CRYBG3: variants seen among roughly 807,000 people sequenced by gnomAD.
CRYBG3 encodes crystallin beta-gamma domain containing 3.
CRYBG3 carries 127 observed loss-of-function variants against 244.2 expected under a neutral mutation model. The observed-to-expected ratio is 0.52, with a 90% confidence interval of 0.45 to 0.60. The LOEUF is 0.60. Among genes scored for constraint, CRYBG3 ranks in the 20% least tolerant of loss-of-function variants. The pLI, the probability that CRYBG3 is intolerant of heterozygous loss-of-function variation, is 0.00. For synonymous variants in CRYBG3, 1,132 were observed against 1,195.8 expected, an observed-to-expected ratio of 0.95 and a Z score of 1.10; for missense variants, 3,325 against 3,442.5, an observed-to-expected ratio of 0.97 and a Z score of 0.85.
intron 17 of CRYBG3, among the ~76,000 whole-genome samples, chr3:97,923,762 A>G (rs1013508541): frequency 1.3e-5 from 2 of 152,144 alleles, no homozygotes; most frequent in African/African-American, 4.8e-5. Flanking sequence ...AACACAAGGG[A>G]ATAAGTTTTT....
intron 17 of CRYBG3, among the ~76,000 whole-genome samples, chr3:97,923,741 T>C (rs905494055): frequency 2.0e-5 from 3 of 152,094 alleles, no homozygotes; most frequent in African/African-American, 7.2e-5. Context: ...AGGGTACTTA[T>C]AAATAAATCT....
At chr3:97,904,524 A>C (rs1181318475) in intron 15 of CRYBG3, among the ~76,000 whole-genome samples, 1 of 152,180 alleles carries the variant, frequency 6.6e-6, no homozygotes, top group African/African-American at 2.4e-5. Flanking sequence ...TCAGTAGTCC[A>C]GGATTTGATG....
chr3:97,924,283 G>A (rs2040015695), intron 17 of CRYBG3: 3 of 351,852 alleles, frequency 8.5e-6, no homozygotes, highest in Non-Finnish European at 1.6e-5. Context: ...AGTTCCAGAT[G>A]GATTAATAAC....
chr3:97,872,826 T>C lies in CRYBG3; in HGVS notation c.1632T>C (p.His544=). The C allele has an allele frequency of 6.5e-7, 1 of 1,535,940 alleles. No individual in the cohort carries two copies. The highest frequency in any genetic ancestry group is 8.7e-7 in the Non-Finnish European group (1 of 1,146,796). Reference sequence around the variant, plus strand: ...CTGGTGAATCCATAGCTTCAAGTCATGTAAAAGCTCCAGAAGATAAAATTG... The same window carrying C: ...CTGGTGAATCCATAGCTTCAAGTCACGTAAAAGCTCCAGAAGATAAAATTG... ...ASAGESIASS[H]VKAPEDKIES... The change falls in exon 4 of 22, where the codon CAT becomes CAC. Residue 544 remains histidine, a synonymous_variant. Transcript: ENST00000389622.
rs1240504297 is a variant in CRYBG3, at chr3:97,822,080, C to T, written c.-127C>T. ...CTCCTGCCCGAGAGAGACTGAGCCG[C>T]GCTGGCAGCTCGCGTCGAGTCGGTC... On this transcript the variant is annotated 5_prime_UTR_variant, in exon 1 of 22. Coordinates refer to ENST00000389622, the MANE Select transcript of CRYBG3 (RefSeq NM_153605.4). The T allele has an allele frequency of 6.7e-6, 5 of 743,312 alleles. No homozygotes were observed. The highest frequency in any genetic ancestry group is 3.4e-5 in the East Asian group (1 of 29,358). 46.0% of individuals were successfully genotyped at this position (743,312 alleles called of 1,614,324 possible).
At chr3:97,880,977 T>C (rs2039439490) in intron 6 of CRYBG3, 95 bp from the exon 7 acceptor site, 5 of 952,072 alleles carry the variant, frequency 5.3e-6, no homozygotes. Flanking sequence ...ATATCCCAGC[T>C]TAAAAAATTT....
At chr3:97,908,682 G>A (rs1347523281) in intron 15 of CRYBG3, among the ~76,000 whole-genome samples, 2 of 152,094 alleles carry the variant, frequency 1.3e-5, no homozygotes, top group African/African-American at 2.4e-5. Flanking sequence ...GCACACTGAT[G>A]GGTCTTGACT....
chr3:97,909,331 C>A (rs1248184639), intron 15 of CRYBG3, among the ~76,000 whole-genome samples: 1 of 148,526 alleles, frequency 6.7e-6, no homozygotes, highest in Non-Finnish European at 1.5e-5. Flanking sequence ...TGGATAATAT[C>A]CTGCAGAGTG....
chr3:97,867,902 T>C (rs1254261341), intron 3 of CRYBG3, among the ~76,000 whole-genome samples: 1 of 152,242 alleles, frequency 6.6e-6, no homozygotes, highest in Non-Finnish European at 1.5e-5. Flanking sequence ...TTTTCCACCT[T>C]CAGCTTATTA....
At position 97,876,833 on chromosome 3, in the gene CRYBG3, C is replaced by G; in HGVS notation, c.5639C>G (p.Thr1880Ser). The G allele has an allele frequency of 7.3e-7, 1 of 1,372,104 alleles. No homozygotes were observed. Among genetic ancestry groups the G allele is most frequent in the Non-Finnish European group, 9.4e-7 (1 of 1,065,770 alleles). The allele number at this position is 1,372,104 out of a possible 1,614,324, so 85.0% of individuals were successfully genotyped here. A position where few individuals can be genotyped will look rare whatever the true frequency, so the allele number is the denominator to read the frequency against. ...ATACATGGAACAGGACTAGAATTGA[C>G]CACTAAACAAGGGGAGGCCATGCTT... ...EKIHGTGLEL[T>S]TKQGEAMLPA... is the part of the protein sequence containing the mutation. The change falls in exon 4 of 22, where the codon ACC becomes AGC. Residue 1880 changes from threonine to serine, a missense_variant. Physicochemically the swap from Thr to Ser is moderately conservative, Grantham distance 58. Around this residue, in one of 4 missense-constraint regions of CRYBG3, gnomAD observed 635 missense variants for 771.7 expected, o/e 0.82. Coordinates refer to ENST00000389622, the MANE Select transcript of CRYBG3 (RefSeq NM_153605.4).
At chr3:97,871,521 C>T (rs575714668) in intron 3 of CRYBG3, among the ~76,000 whole-genome samples, 5 of 152,084 alleles carry the variant, frequency 3.3e-5, no homozygotes, top group Non-Finnish European at 7.4e-5. Flanking sequence ...GTCAGACACT[C>T]CTTTGAGATT....
chr3:97,922,498 T>C lies in CRYBG3; in HGVS notation c.8241+6762T>C, dbSNP rs539660443. ...AACTCAAACAAATTACAGGAAAAAATCAAACAACCCCATCAAAAAGTGGGC... is the reference window on the plus strand; with the variant it reads ...AACTCAAACAAATTACAGGAAAAAACCAAACAACCCCATCAAAAAGTGGGC... On this transcript the variant is annotated intron_variant, in intron 17 of 21. Transcript: ENST00000389622. 7.3e-5 allele frequency among the ~76,000 whole-genome samples: 11 copies of C among 151,716 alleles called. No individual in the cohort carries two copies. The South Asian group carries it at 2.3e-3, about 32-fold the overall frequency.
intron 18 of CRYBG3, 143 bp downstream of exon 18, chr3:97,933,976 G>A (rs572103847): frequency 7.1e-5 from 41 of 578,210 alleles, no homozygotes; most frequent in African/African-American, 6.3e-4. Context: ...GCTACCATAT[G>A]GTCACAGCAT....
chr3:97,882,689 A>G (rs1576542661), intron 7 of CRYBG3, among the ~76,000 whole-genome samples: 1 of 152,228 alleles, frequency 6.6e-6, no homozygotes, highest in Non-Finnish European at 1.5e-5. Context: ...TCATTTATAT[A>G]CATAAAAAGT....
chr3:97,872,494 A>G lies in CRYBG3; in HGVS notation c.1300A>G (p.Ile434Val), dbSNP rs1360643491. The G allele has an allele frequency of 2.9e-5, 45 of 1,535,892 alleles. No homozygotes were observed. Among genetic ancestry groups the G allele is most frequent in the African/African-American group, 5.5e-5 (4 of 73,044 alleles). The change falls in exon 4 of 22, where the codon ATT becomes GTT. Residue 434 changes from isoleucine to valine, a missense_variant. By Grantham distance (29) the Ile-to-Val change is conservative. Transcript: ENST00000389622. ...GCTTGTTGAGCCTCAGGGCCCTGCTATTTCTGATTTCTCTTGTAGTAAATC... is the reference window on the plus strand; with the variant it reads ...GCTTGTTGAGCCTCAGGGCCCTGCTGTTTCTGATTTCTCTTGTAGTAAATC... The part of the protein sequence containing the change: ...EELVEPQGPA[I>V]SDFSCSKSDG...
At chr3:97,916,733 G>C (rs928449143) in intron 17 of CRYBG3, among the ~76,000 whole-genome samples, 5 of 152,076 alleles carry the variant, frequency 3.3e-5, no homozygotes, top group Non-Finnish European at 7.4e-5. Context: ...GGCATTCCTG[G>C]ATAGAGTATT....
In CRYBG3 at chr3:97,875,006, C is replaced by T. The variant is rs980675968; in HGVS notation, c.3812C>T (p.Ser1271Leu). Residue 1271 changes from serine to leucine, a missense_variant, in exon 4 of 22, where the codon TCA becomes TTA. Ser to Leu is a moderately radical substitution (Grantham distance 145, BLOSUM62 -2). This residue lies in a region of CRYBG3 where 635 missense variants were observed against 771.7 expected (regional missense o/e 0.82). Transcript: ENST00000389622. ...GAAGAGCAAGGCATGGAAAACATGT[C>T]AGAAGTCAAAGAGAAGCCCTGTGTT... ...GLEEQGMENM[S>L]EVKEKPCVSP... 6.5e-7 allele frequency: 1 copy of T among 1,535,900 alleles called. No individual in the cohort carries two copies. The highest frequency in any genetic ancestry group is 1.4e-5 in the African/African-American group (1 of 73,146).
Position 97,900,441 on chromosome 3 carries a change from T to A in CRYBG3, c.7972-12T>A. The A allele has an allele frequency of 6.5e-7, 1 of 1,534,378 alleles. No individual in the cohort carries two copies. The highest frequency in any genetic ancestry group is 1.4e-5 in the African/African-American group (1 of 73,442). On this transcript the variant is annotated splice_polypyrimidine_tract_variant and intron_variant, in intron 14 of 21. Transcript: ENST00000389622. ...GATTACAATTTTGAAAATGTTTTAA[T>A]ATGTTTTTCAGGAACCACTTGGGAT...
intron 8 of CRYBG3, among the ~76,000 whole-genome samples, chr3:97,887,178 C>T (rs2039518306): frequency 6.6e-6 from 1 of 152,118 alleles, no homozygotes; most frequent in South Asian, 2.1e-4. Context: ...TGGTGTTACT[C>T]TCATATTATA....
Sources: gnomAD v4.1 joint callset for allele counts (sites outside exome capture counted in the v4.1 genomes callset) on GRCh38, gnomAD v4.1.1 for gene constraint, gnomAD v4.1.1 regional missense constraint, MANE v1.5 for transcripts, NCBI Gene and HGNC (gene_info 2026-07-23, HGNC 2026-07-21) for gene names.